HHAT: variants seen among roughly 807,000 people sequenced by gnomAD.
The protein encoded by HHAT is hedgehog acyltransferase.
In HHAT, 47 loss-of-function variants were observed where a neutral mutation model predicts 70.8. The ratio of observed to expected loss-of-function variants is 0.66; its 90% confidence interval spans 0.53 to 0.85. The LOEUF is 0.85. Ranked by LOEUF, HHAT falls within the 40% of genes least tolerant of loss-of-function variation. The probability of loss-of-function intolerance (pLI) is 0.00; values close to 1 mark genes in which losing one functional copy is unlikely to be tolerated. For missense variants in HHAT, 609 were observed against 604.8 expected (o/e 1.01, Z -0.07); for synonymous variants, 228 against 247.6 (o/e 0.92, Z 0.74).
chr1:210,567,065 C>T (rs868285493), intron 9 of HHAT, among the ~76,000 whole-genome samples: 10 of 152,222 alleles, frequency 6.6e-5, no homozygotes, highest in African/African-American at 2.2e-4. Flanking sequence ...CTGTGCCCCC[C>T]CTCCAATAAG....
intron 8 of HHAT, among the ~76,000 whole-genome samples, chr1:210,473,674 T>A (rs990020261): frequency 6.6e-6 from 1 of 152,188 alleles, no homozygotes; most frequent in African/African-American, 2.4e-5. Flanking sequence ...AGACTTAATT[T>A]GACTTAATTT....
intron 1 of HHAT, 113 bp downstream of exon 1, chr1:210,329,217 G>T: frequency 8.1e-7 from 1 of 1,234,274 alleles, no homozygotes; most frequent in Non-Finnish European, 1.0e-6. Flanking sequence ...TCCTACCCAA[G>T]TTCCCGTGTG....
At chr1:210,652,120 C>T (rs755584905) in intron 11 of HHAT, among the ~76,000 whole-genome samples, 1 of 152,002 alleles carries the variant, frequency 6.6e-6, no homozygotes, top group Non-Finnish European at 1.5e-5. Context: ...AAAAGCCTTG[C>T]CCACCCCAAG....
chr1:210,491,395 G>A lies in HHAT; in HGVS notation c.1008-21758G>A, dbSNP rs552799299. 2.6e-5 allele frequency among the ~76,000 whole-genome samples: 4 copies of A among 152,286 alleles called. No individual in the cohort carries two copies. The East Asian group carries it at 7.7e-4, about 29-fold the overall frequency. ...AGGATAAACTGCAAACTCCTATGAG[G>A]AGCAAGTTCAGAGAGCTGGTGGGAA... On this transcript the variant is annotated intron_variant, in intron 8 of 11. Coordinates refer to ENST00000261458, the MANE Select transcript of HHAT (RefSeq NM_018194.6).
At chr1:210,370,610 ATT>A (rs10664778) in intron 3 of HHAT, among the ~76,000 whole-genome samples, 93 of 98,330 alleles carry the variant, frequency 9.5e-4, no homozygotes, top group South Asian at 2.2e-3. Flanking sequence ...TGCAGATGCT[ATT>A]TTTTTTTTTT....
intron 9 of HHAT, among the ~76,000 whole-genome samples, chr1:210,546,126 G>A (rs2095481223): frequency 6.6e-6 from 1 of 152,152 alleles, no homozygotes; most frequent in African/African-American, 2.4e-5. Flanking sequence ...TAATTACTCT[G>A]TGCTTCAGCT....
intron 7 of HHAT, among the ~76,000 whole-genome samples, chr1:210,420,614 C>A (rs1039315929): frequency 2.0e-5 from 3 of 151,710 alleles, no homozygotes; most frequent in African/African-American, 7.3e-5. Flanking sequence ...TGTAGCTAAC[C>A]TGCACATTGT....
chr1:210,481,044 T>A (rs925218298), intron 8 of HHAT, among the ~76,000 whole-genome samples: 1 of 152,028 alleles, frequency 6.6e-6, no homozygotes, highest in Admixed American at 6.5e-5. Context: ...GTAAGACAGA[T>A]AATTAACAAA....
At chr1:210,545,362 A>G (rs1168181403) in intron 9 of HHAT, among the ~76,000 whole-genome samples, 1 of 151,888 alleles carries the variant, frequency 6.6e-6, no homozygotes, top group Non-Finnish European at 1.5e-5. Flanking sequence ...ATCTGCTTAG[A>G]ATGGTATCCT....
intron 9 of HHAT, among the ~76,000 whole-genome samples, chr1:210,535,134 T>C (rs2095357216): frequency 6.6e-6 from 1 of 152,152 alleles, no homozygotes; most frequent in Non-Finnish European, 1.5e-5. Context: ...GCAAAGACAA[T>C]GAATCCCAGC....
At chr1:210,511,739 C>A (rs1005799636) in intron 8 of HHAT, among the ~76,000 whole-genome samples, 1 of 147,584 alleles carries the variant, frequency 6.8e-6, no homozygotes, top group African/African-American at 2.5e-5. Flanking sequence ...AGCAGTGATT[C>A]TGCCTGGGGG....
At chr1:210,498,918 C>T (rs1409131944) in intron 8 of HHAT, among the ~76,000 whole-genome samples, 1 of 151,906 alleles carries the variant, frequency 6.6e-6, no homozygotes, top group African/African-American at 2.4e-5. Context: ...TATAGGTGCC[C>T]ATGACCGTGC....
intron 4 of HHAT, among the ~76,000 whole-genome samples, chr1:210,394,150 C>T (rs1572123039): frequency 6.6e-6 from 1 of 151,332 alleles, no homozygotes; most frequent in Non-Finnish European, 1.5e-5. Flanking sequence ...ACTATCTAAT[C>T]TCGTCTCTTC....
At position 210,513,015 on chromosome 1, in the gene HHAT, A is replaced by C. The variant is rs890078743; in HGVS notation, c.1008-138A>C. ...TTCCCAGGAATGCTGCTGCTCCAGC[A>C]GCCACATCTTGAGAACTACTGTGGT... On this transcript the variant is annotated intron_variant, in intron 8 of 11. Coordinates refer to ENST00000261458, the MANE Select transcript of HHAT (RefSeq NM_018194.6). 4 of 569,432 alleles carry C rather than the reference A, an allele frequency of 7.0e-6. No homozygotes were observed. The African/African-American group carries it at 8.0e-5, about 11-fold the overall frequency. The allele number at this position is 569,432 out of a possible 1,614,324, so 35.3% of individuals were successfully genotyped here. A position where few individuals can be genotyped will look rare whatever the true frequency, so the allele number is the denominator to read the frequency against.
chr1:210,410,515 A>G (rs980790513), intron 6 of HHAT, among the ~76,000 whole-genome samples: 1 of 112,796 alleles, frequency 8.9e-6, no homozygotes, highest in Non-Finnish European at 1.8e-5. Flanking sequence ...TGTGTTGTTT[A>G]TTTGTAAATT....
At chr1:210,601,283 C>T (rs192718143) in intron 10 of HHAT, among the ~76,000 whole-genome samples, 7 of 152,130 alleles carry the variant, frequency 4.6e-5, no homozygotes, top group Admixed American at 2.6e-4. Context: ...AATCCTAACT[C>T]ACCGCTTGGC....
chr1:210,648,179 G>GGCTTTGGAATA (rs1165202129), intron 11 of HHAT, among the ~76,000 whole-genome samples: 2 of 152,194 alleles, frequency 1.3e-5, no homozygotes, highest in Non-Finnish European at 2.9e-5. Flanking sequence ...GGTTTGGAAT[G>GGCTTTGGAATA]GCTTGGATCT....
At chr1:210,346,724 CTG>C (rs1558321880) in intron 1 of HHAT, among the ~76,000 whole-genome samples, 1 of 152,192 alleles carries the variant, frequency 6.6e-6, no homozygotes, top group Admixed American at 6.5e-5. Context: ...CCTTCCTGCT[CTG>C]TCTCCCAGTG....
At chr1:210,453,238 AG>A (rs1190529271) in intron 7 of HHAT, among the ~76,000 whole-genome samples, 1 of 152,172 alleles carries the variant, frequency 6.6e-6, no homozygotes, top group Non-Finnish European at 1.5e-5. Flanking sequence ...AAACATTCTA[AG>A]GTTCGTTAAG....
Sources: gnomAD v4.1 joint callset for allele counts (sites outside exome capture counted in the v4.1 genomes callset) on GRCh38, gnomAD v4.1.1 for gene constraint, MANE v1.5 for transcripts, NCBI Gene and HGNC (gene_info 2026-07-23, HGNC 2026-07-21) for gene names.